HSDL2: variants seen among roughly 807,000 people sequenced by gnomAD.
HSDL2 encodes the protein hydroxysteroid dehydrogenase like 2.
HSDL2 carries 27 observed loss-of-function variants against 46.3 expected under a neutral mutation model. That is an observed-to-expected ratio of 0.58 (90% confidence interval 0.43 to 0.80). The LOEUF is 0.80. Among genes scored for constraint, HSDL2 ranks in the 30% least tolerant of loss-of-function variants. HSDL2 has a pLI of 0.00. For missense variants in HSDL2, 451 were observed against 502.7 expected (o/e 0.90, Z 0.98); for synonymous variants, 153 against 163.6 (o/e 0.94, Z 0.50).
At chr9:112,464,369 C>T (rs1248589988) in intron 10 of HSDL2, among the ~76,000 whole-genome samples, 1 of 152,084 alleles carries the variant, frequency 6.6e-6, no homozygotes, top group Non-Finnish European at 1.5e-5. Context: ...TGTGGTTTCT[C>T]TTTCCATTTT....
intron 6 of HSDL2, among the ~76,000 whole-genome samples, chr9:112,419,246 C>T (rs1000300419): frequency 3.3e-5 from 5 of 152,254 alleles, no homozygotes; most frequent in African/African-American, 1.2e-4. Context: ...TCAAGTGATC[C>T]TCCCACCTTG....
intron 10 of HSDL2, among the ~76,000 whole-genome samples, chr9:112,461,020 CTT>C (rs1833193549): frequency 6.6e-6 from 1 of 151,584 alleles, no homozygotes; most frequent in Non-Finnish European, 1.5e-5. Flanking sequence ...GTTTGGCAGT[CTT>C]TTTCACTTAA....
At chr9:112,452,237 A>G (rs1202585390) in intron 8 of HSDL2, among the ~76,000 whole-genome samples, 3 of 152,224 alleles carry the variant, frequency 2.0e-5, no homozygotes, top group Non-Finnish European at 4.4e-5. Flanking sequence ...ACTTTGTACT[A>G]TGGAGTATCT....
intron 8 of HSDL2, among the ~76,000 whole-genome samples, chr9:112,449,113 G>C (rs1274776571): frequency 2.2e-5 from 3 of 133,728 alleles, no homozygotes; most frequent in African/African-American, 8.5e-5. Flanking sequence ...TTAAGACAAA[G>C]TCTCACTCTG....
intron 1 of HSDL2, among the ~76,000 whole-genome samples, chr9:112,399,013 A>G (rs973057578): frequency 6.6e-6 from 1 of 152,202 alleles, no homozygotes; most frequent in Non-Finnish European, 1.5e-5. Flanking sequence ...AACCGGACCA[A>G]TGAACGTTTC....
At chr9:112,427,099 GGCTGGAGT>G (rs1832266921) in intron 6 of HSDL2, among the ~76,000 whole-genome samples, 1 of 152,050 alleles carries the variant, frequency 6.6e-6, no homozygotes, top group African/African-American at 2.4e-5. Context: ...CTGTCACCCA[GGCTGGAGT>G]GCAGTGGCAC....
At chr9:112,397,232 G>C (rs559199406) in intron 1 of HSDL2, among the ~76,000 whole-genome samples, 1 of 152,090 alleles carries the variant, frequency 6.6e-6, no homozygotes, top group African/African-American at 2.4e-5. Flanking sequence ...TTCATAGCCC[G>C]TGCCCACAGA....
intron 6 of HSDL2, among the ~76,000 whole-genome samples, chr9:112,424,765 G>A (rs952809504): frequency 1.3e-5 from 2 of 151,482 alleles, no homozygotes; most frequent in African/African-American, 4.8e-5. Context: ...CAGAAGACTA[G>A]TCCCATCCAT....
At chr9:112,417,493 A>C (rs968870535) in intron 5 of HSDL2, among the ~76,000 whole-genome samples, 2 of 151,778 alleles carry the variant, frequency 1.3e-5, no homozygotes, top group Admixed American at 1.3e-4. Flanking sequence ...AAAAAAAAAA[A>C]AACGACAAAA....
intron 1 of HSDL2, among the ~76,000 whole-genome samples, chr9:112,384,853 T>G (rs1227343607): frequency 6.6e-6 from 1 of 151,486 alleles, no homozygotes; most frequent in Non-Finnish European, 1.5e-5. Flanking sequence ...GGCACTAACC[T>G]GTGGCCTTGC....
rs531631657 is a variant in HSDL2 at position 112,423,898 on chromosome 9, G to A, written c.598+4940G>A. On this transcript the variant is annotated intron_variant, in intron 6 of 10. Coordinates refer to ENST00000398805, the MANE Select transcript of HSDL2 (RefSeq NM_032303.5). ...CCAGCTAATTTTTATATTTTTAGTA[G>A]AGACAGGGTTTCACTATGTTGGCCA... Among the ~76,000 whole-genome samples the A allele has an allele frequency of 2.0e-5, 3 of 151,126 alleles. No homozygotes were observed. In the South Asian group the frequency reaches 6.3e-4, roughly 32 times the overall value.
At position 112,403,644 on chromosome 9, in the gene HSDL2, C is replaced by G. The variant is rs150284667; in HGVS notation, c.18-351C>G. Among the ~76,000 whole-genome samples, 452 of 150,462 alleles carry G rather than the reference C, an allele frequency of 3.0e-3. 2 individuals are homozygous for G. Among genetic ancestry groups the G allele is most frequent in the African/African-American group, 0.01 (421 of 41,038 alleles). ...ATAAAATTTGCTCATAATCCCACCA[C>G]TCAAAAAAAAAAAGCTTTATTAACA... On this transcript the variant is annotated intron_variant, in intron 1 of 10. Transcript: ENST00000398805.
chr9:112,445,988 AATG>A (rs1340616234), intron 8 of HSDL2, among the ~76,000 whole-genome samples: 1 of 152,192 alleles, frequency 6.6e-6, no homozygotes, highest in East Asian at 1.9e-4. Flanking sequence ...GACACATCAT[AATG>A]ATATAGTTTT....
intron 6 of HSDL2, among the ~76,000 whole-genome samples, chr9:112,420,146 G>A (rs1832086447): frequency 6.6e-6 from 1 of 152,078 alleles, no homozygotes; most frequent in African/African-American, 2.4e-5. Flanking sequence ...TTTGAGACAA[G>A]CCTGGGTAGC....
chr9:112,439,779 T>A (rs1832601820), intron 7 of HSDL2, among the ~76,000 whole-genome samples: 1 of 152,250 alleles, frequency 6.6e-6, no homozygotes, highest in South Asian at 2.1e-4. Flanking sequence ...GCTTAGTGAT[T>A]AAGAACACGA....
chr9:112,470,413 T>G lies in HSDL2; in HGVS notation c.1145-19T>G. The G allele has an allele frequency of 1.3e-6, 2 of 1,509,092 alleles. No homozygotes were observed. The highest frequency in any genetic ancestry group is 1.8e-6 in the Non-Finnish European group (2 of 1,088,084). 93.5% of individuals were successfully genotyped at this position (1,509,092 alleles called of 1,614,324 possible). ...GGGCACTAATGGTTGCTTTTCCCTCTCTCATTTTCTCATTTTAGGGAAACT... is the reference window on the plus strand; with the variant it reads ...GGGCACTAATGGTTGCTTTTCCCTCGCTCATTTTCTCATTTTAGGGAAACT... On this transcript the variant is annotated intron_variant, in intron 10 of 10. Coordinates refer to ENST00000398805, the MANE Select transcript of HSDL2 (RefSeq NM_032303.5).
chr9:112,390,691 G>A (rs950981800), intron 1 of HSDL2, among the ~76,000 whole-genome samples: 6 of 151,956 alleles, frequency 3.9e-5, no homozygotes, highest in Admixed American at 2.6e-4. Flanking sequence ...GGGCTCAATC[G>A]ATCCTCCCAT....
At chr9:112,434,667 G>T (rs1320073416) in intron 6 of HSDL2, among the ~76,000 whole-genome samples, 2 of 152,166 alleles carry the variant, frequency 1.3e-5, no homozygotes, top group Non-Finnish European at 2.9e-5. Context: ...TGAGTGTGTG[G>T]ATATGTTTGG....
At chr9:112,468,849 T>C (rs1039549202) in intron 10 of HSDL2, among the ~76,000 whole-genome samples, 3 of 152,224 alleles carry the variant, frequency 2.0e-5, no homozygotes, top group African/African-American at 7.2e-5. Flanking sequence ...CATTCATCTC[T>C]ATGGGCAAGG....
Sources: allele counts gnomAD v4.1 joint callset (sites outside exome capture counted in the v4.1 genomes callset), GRCh38; gene constraint gnomAD v4.1.1; transcripts MANE v1.5; gene names NCBI Gene and HGNC (gene_info 2026-07-23, HGNC 2026-07-21).